Variants in SLC1A1 observed in about 807,000 individuals in gnomAD.
SLC1A1 encodes solute carrier family 1 member 1, also known as excitatory amino acid transporter 3.
A neutral mutation model predicts 53.3 loss-of-function variants in SLC1A1; 43 were observed. The ratio of observed to expected loss-of-function variants is 0.81; its 90% confidence interval spans 0.63 to 1.04. SLC1A1 has a LOEUF of 1.04. Ranked by LOEUF, SLC1A1 falls within the 50% of genes least tolerant of loss-of-function variation. The probability of loss-of-function intolerance (pLI) is 0.00; values close to 1 mark genes in which losing one functional copy is unlikely to be tolerated. For synonymous variants in SLC1A1, 307 were observed against 243.2 expected (o/e 1.26, Z -2.44); for missense variants, 748 against 664.9 (o/e 1.12, Z -1.37).
chr9:4,577,895 C>G (rs1280675785), intron 10 of SLC1A1, among the ~76,000 whole-genome samples: 2 of 152,166 alleles, frequency 1.3e-5, no homozygotes, highest in African/African-American at 4.8e-5. Context: ...TTAGAAGGCA[C>G]TGACACTGAG....
chr9:4,567,115 G>A (rs1357595160), intron 5 of SLC1A1, among the ~76,000 whole-genome samples: 1 of 152,178 alleles, frequency 6.6e-6, no homozygotes, highest in Non-Finnish European at 1.5e-5. Flanking sequence ...CCATGTGGAA[G>A]CTCCACAGAA....
At chr9:4,580,747 T>C (rs1276930230) in intron 10 of SLC1A1, among the ~76,000 whole-genome samples, 1 of 151,314 alleles carries the variant, frequency 6.6e-6, no homozygotes, top group Non-Finnish European at 1.5e-5. Context: ...GTAGTAGTAG[T>C]TGTTGTAATA....
chr9:4,579,283 A>G lies in SLC1A1; in HGVS notation c.1193+2520A>G, dbSNP rs1820844880. On this transcript the variant is annotated intron_variant, in intron 10 of 11. Transcript: ENST00000262352. ...TGCCTGAAAAAGTTTCTGCTCCACA[A>G]CCACCCCTGTGCTTCCAACAGTTGT... 2.0e-5 allele frequency among the ~76,000 whole-genome samples: 3 copies of G among 152,176 alleles called. No individual in the cohort carries two copies. In the South Asian group the frequency reaches 6.2e-4, roughly 32 times the overall value.
At chr9:4,535,155 A>G (rs201225677) in intron 1 of SLC1A1, among the ~76,000 whole-genome samples, 1 of 152,130 alleles carries the variant, frequency 6.6e-6, no homozygotes, top group Non-Finnish European at 1.5e-5. Flanking sequence ...CACAAGACAG[A>G]GATGACCTCT....
chr9:4,568,678 G>C (rs1286775225), intron 6 of SLC1A1, among the ~76,000 whole-genome samples: 3 of 147,306 alleles, frequency 2.0e-5, no homozygotes, highest in Non-Finnish European at 4.5e-5. Flanking sequence ...CTGGGTGACA[G>C]AGCAAGACTC....
intron 1 of SLC1A1, among the ~76,000 whole-genome samples, chr9:4,500,321 T>G (rs1377432176): frequency 6.6e-6 from 1 of 152,166 alleles, no homozygotes; most frequent in Admixed American, 6.5e-5. Flanking sequence ...TTGTTTGTTT[T>G]ATTTTGAGAC....
At chr9:4,552,868 T>C (rs1181312482) in intron 2 of SLC1A1, among the ~76,000 whole-genome samples, 1 of 151,858 alleles carries the variant, frequency 6.6e-6, no homozygotes, top group African/African-American at 2.4e-5. Flanking sequence ...TCCTATAAAG[T>C]ACCTGAACTG....
At chr9:4,575,898 A>G in intron 8 of SLC1A1, 103 bp from the exon 9 acceptor site, 1 of 1,379,362 alleles carries the variant, frequency 7.2e-7, no homozygotes, top group Non-Finnish European at 1.0e-6. Flanking sequence ...GGCCATTATG[A>G]AAGTCAAACA....
intron 1 of SLC1A1, among the ~76,000 whole-genome samples, chr9:4,541,492 C>G (rs758912831): frequency 1.3e-5 from 2 of 152,094 alleles, no homozygotes; most frequent in Non-Finnish European, 2.9e-5. Flanking sequence ...AGTGTGATAA[C>G]CATGAAGCCT....
In SLC1A1 at chr9:4,564,742, G is replaced by C. The variant is rs557859862; in HGVS notation, c.440+284G>C. Reference sequence around the variant, plus strand: ...AGATGCTGGGATGGATTGGTAGTCAGTTCTGAAGCGCACTTAGAAAAATAC... The same window carrying C: ...AGATGCTGGGATGGATTGGTAGTCACTTCTGAAGCGCACTTAGAAAAATAC... On this transcript the variant is annotated intron_variant, in intron 4 of 11. Coordinates refer to ENST00000262352, the MANE Select transcript of SLC1A1 (RefSeq NM_004170.6). Among the ~76,000 whole-genome samples, 8 of 152,288 alleles carry C rather than the reference G, an allele frequency of 5.3e-5. No homozygotes were observed. The South Asian group carries it at 1.2e-3, about 24-fold the overall frequency.
rs1818381129 is a variant in SLC1A1, at chr9:4,556,310, ACGCCC to A, written c.233-5132_233-5128del. 2.6e-5 allele frequency among the ~76,000 whole-genome samples: 4 copies of A among 152,202 alleles called. No homozygotes were observed. The South Asian group carries it at 8.3e-4, about 32-fold the overall frequency. On this transcript the variant is annotated intron_variant, in intron 2 of 11. Transcript: ENST00000262352. The surrounding 1 kb of genome is among the most constrained non-coding windows in gnomAD (Gnocchi z 4.1). ...GCTGGGATTACCGGCGTGAGCCACT[ACGCCC>A]CGCCCCTATCTTTTATTATTACATT...
At chr9:4,513,043 C>A (rs1048802504) in intron 1 of SLC1A1, among the ~76,000 whole-genome samples, 1 of 152,080 alleles carries the variant, frequency 6.6e-6, no homozygotes. Context: ...AAATGAACCT[C>A]AACCTAAAAT....
At chr9:4,563,823 C>G (rs1819217196) in intron 3 of SLC1A1, among the ~76,000 whole-genome samples, 1 of 152,162 alleles carries the variant, frequency 6.6e-6, no homozygotes, top group Admixed American at 6.5e-5. Flanking sequence ...CCCGGAACAG[C>G]ATTTTCCTAC....
At chr9:4,560,079 TCG>T (rs1393498132) in intron 2 of SLC1A1, 1 of 152,204 alleles carries the variant, frequency 6.6e-6, no homozygotes, top group African/African-American at 2.4e-5. Context: ...AACAATATGA[TCG>T]TAAGTCTCTG....
intron 2 of SLC1A1, among the ~76,000 whole-genome samples, chr9:4,552,753 C>A (rs1288558728): frequency 2.0e-5 from 3 of 151,694 alleles, no homozygotes; most frequent in African/African-American, 4.8e-5. Context: ...TTTTACTTAA[C>A]TTGTCCTCAG....
chr9:4,578,704 T>C lies in SLC1A1; in HGVS notation c.1193+1941T>C, dbSNP rs1421914264. 5.3e-5 allele frequency among the ~76,000 whole-genome samples: 8 copies of C among 152,380 alleles called. No individual in the cohort carries two copies. In the South Asian group the frequency reaches 1.7e-3, roughly 32 times the overall value. On this transcript the variant is annotated intron_variant, in intron 10 of 11. Transcript: ENST00000262352. Reference sequence around the variant, plus strand: ...AAGTAGATGGTAGAACTGTCATTAGTGGATTTTGCCAGATTTGTTTCTCTA... The same window carrying C: ...AAGTAGATGGTAGAACTGTCATTAGCGGATTTTGCCAGATTTGTTTCTCTA...
chr9:4,561,038 C>T (rs1005371071), intron 2 of SLC1A1, among the ~76,000 whole-genome samples: 1 of 152,020 alleles, frequency 6.6e-6, no homozygotes, highest in Non-Finnish European at 1.5e-5. Context: ...CAAACGATCT[C>T]AGTTCTTTGA....
chr9:4,527,736 G>A lies in SLC1A1; in HGVS notation c.92-16831G>A, dbSNP rs1016180864. On this transcript the variant is annotated intron_variant, in intron 1 of 11. Coordinates refer to ENST00000262352, the MANE Select transcript of SLC1A1 (RefSeq NM_004170.6). ...AACATCTCTATTATATGGAGTTTGA[G>A]TTTTGAGACCATTTTCTTACCGTTT... Among the ~76,000 whole-genome samples the A allele has an allele frequency of 5.9e-5, 9 of 152,110 alleles. No homozygotes were observed. The East Asian group carries it at 1.2e-3, about 20-fold the overall frequency.
chr9:4,580,637 G>GTGTGTGTGTGTGTGTGTA (rs1820993685), intron 10 of SLC1A1, among the ~76,000 whole-genome samples: 1 of 26,320 alleles, frequency 3.8e-5, no homozygotes, highest in Non-Finnish European at 6.7e-5. Context: ...GTGTGTGTGT[G>GTGTGTGTGTGTGTGTGTA]TGTGTGTGTG....
Sources: allele counts gnomAD v4.1 joint callset (sites outside exome capture counted in the v4.1 genomes callset), GRCh38; gene constraint gnomAD v4.1.1; non-coding constraint Gnocchi (gnomAD v3.1); transcripts MANE v1.5; gene names NCBI Gene and HGNC (gene_info 2026-07-23, HGNC 2026-07-21).